The following GRID1 variants were observed in gnomAD, a reference collection of about 807,000 sequenced individuals.
GRID1 encodes glutamate receptor ionotropic, delta-1.
GRID1 carries 28 observed loss-of-function variants against 98.0 expected under a neutral mutation model. That is an observed-to-expected ratio of 0.29 (90% CI 0.21 to 0.39). The LOEUF is 0.39. Ranked by LOEUF, GRID1 falls within the 10% of genes least tolerant of loss-of-function variation. GRID1 has a pLI of 1.00. For missense variants in GRID1, 1,111 were observed against 1,340.5 expected, an observed-to-expected ratio of 0.83 and a Z score of 2.67; for synonymous variants, 553 against 538.5, an observed-to-expected ratio of 1.03 and a Z score of -0.37.
intron 4 of GRID1, among the ~76,000 whole-genome samples, chr10:85,986,363 G>A (rs1842608599): frequency 6.6e-6 from 1 of 152,222 alleles, no homozygotes; most frequent in Non-Finnish European, 1.5e-5. Context: ...ATGGGCACTG[G>A]AGCAGTCAGT....
intron 3 of GRID1, among the ~76,000 whole-genome samples, chr10:86,177,367 G>GGAGAGA (rs148582946): frequency 1.3e-5 from 2 of 151,462 alleles, no homozygotes; most frequent in South Asian, 2.1e-4. Context: ...GCTTCAGGCA[G>GGAGAGA]GAGAGAGAGA....
chr10:86,133,170 T>C (rs1212355397), intron 4 of GRID1, among the ~76,000 whole-genome samples: 2 of 152,198 alleles, frequency 1.3e-5, no homozygotes, highest in Admixed American at 1.3e-4. Flanking sequence ...CTCCTCCTGG[T>C]GGATGTGTAT....
intron 15 of GRID1, among the ~76,000 whole-genome samples, chr10:85,604,905 A>G (rs1040293059): frequency 3.3e-5 from 5 of 152,194 alleles, no homozygotes; most frequent in African/African-American, 9.6e-5. Flanking sequence ...GGGAGTTACT[A>G]TCCCCACCGG....
chr10:85,947,989 G>C (rs1842074322), intron 4 of GRID1, among the ~76,000 whole-genome samples: 1 of 152,158 alleles, frequency 6.6e-6, no homozygotes, highest in Admixed American at 6.5e-5. Flanking sequence ...GCTTTGCCAG[G>C]TTAAAGCCTA....
chr10:86,032,464 A>G (rs1303934311), intron 4 of GRID1, among the ~76,000 whole-genome samples: 2 of 152,204 alleles, frequency 1.3e-5, no homozygotes, highest in Non-Finnish European at 2.9e-5. Context: ...GGGAGACTCC[A>G]TTTTGTTCTG....
At chr10:85,815,020 A>G (rs1359032679) in intron 8 of GRID1, among the ~76,000 whole-genome samples, 1 of 152,080 alleles carries the variant, frequency 6.6e-6, no homozygotes, top group Non-Finnish European at 1.5e-5. Context: ...GCAAACTGAA[A>G]GGAGCCACAT....
intron 8 of GRID1, among the ~76,000 whole-genome samples, chr10:85,757,788 G>A (rs1842112671): frequency 1.3e-5 from 2 of 152,224 alleles, no homozygotes; most frequent in East Asian, 1.9e-4. Flanking sequence ...CAACTCCAAG[G>A]TGGGGACAGT....
intron 4 of GRID1, among the ~76,000 whole-genome samples, chr10:86,053,353 TTTTTG>T (rs995000931): frequency 3.5e-5 from 4 of 115,734 alleles, no homozygotes; most frequent in African/African-American, 1.0e-4. Context: ...GCTCCATTTT[TTTTTG>T]TTTTTTTGTT....
chr10:86,168,185 G>T (rs1338069473), intron 3 of GRID1, among the ~76,000 whole-genome samples: 1 of 152,258 alleles, frequency 6.6e-6, no homozygotes, highest in Admixed American at 6.5e-5. Context: ...TGGTGACAGT[G>T]AGACAGAGCG....
intron 8 of GRID1, among the ~76,000 whole-genome samples, chr10:85,798,300 T>G (rs143618858): frequency 1.9e-4 from 29 of 152,292 alleles, no homozygotes; most frequent in Middle Eastern, 6.8e-3. Context: ...AGAAGAGATA[T>G]GCAAAGCAAT....
At chr10:85,720,238 G>C (rs1841684809) in intron 12 of GRID1, among the ~76,000 whole-genome samples, 1 of 152,028 alleles carries the variant, frequency 6.6e-6, no homozygotes, top group African/African-American at 2.4e-5. Context: ...ATTGTGTTCT[G>C]TTAATTTTTC....
chr10:85,858,652 A>G (rs534516260), intron 6 of GRID1, among the ~76,000 whole-genome samples: 1 of 152,298 alleles, frequency 6.6e-6, no homozygotes, highest in East Asian at 1.9e-4. Flanking sequence ...TCTTTTCCCA[A>G]GAGAATAACT....
At chr10:86,361,568 C>T (rs1848601045) in intron 2 of GRID1, among the ~76,000 whole-genome samples, 1 of 152,186 alleles carries the variant, frequency 6.6e-6, no homozygotes, top group South Asian at 2.1e-4. Context: ...AACAGAGAAA[C>T]CAAGACCCAG....
chr10:85,877,695 ACT>A (rs904530029), intron 5 of GRID1, among the ~76,000 whole-genome samples: 6 of 152,178 alleles, frequency 3.9e-5, no homozygotes, highest in African/African-American at 1.4e-4. Context: ...AAAACTGGAA[ACT>A]CTAAAAAGCA....
At chr10:85,729,183 G>C (rs969638296) in intron 9 of GRID1, among the ~76,000 whole-genome samples, 4 of 152,036 alleles carry the variant, frequency 2.6e-5, no homozygotes, top group African/African-American at 9.7e-5. Context: ...CTCTCCTAAG[G>C]ACCAGTAGTG....
At chr10:86,140,371 G>T (rs973260764) in intron 3 of GRID1, among the ~76,000 whole-genome samples, 14 of 152,224 alleles carry the variant, frequency 9.2e-5, no homozygotes, top group Admixed American at 8.5e-4. Flanking sequence ...TTCCACCAGG[G>T]TTTGTTCCTA....
rs1183802280 is a variant in GRID1, at chr10:86,355,616, C to A, written c.235+8325G>T. The stretch of plus-strand genomic sequence containing the variant: ...TACCCTCCAGACCACTCTGCCCACA[C>A]CTCAGGCCCAGAAAGGGGAACTCTG... On this transcript the variant is annotated intron_variant, in intron 2 of 15. Coordinates refer to ENST00000327946, the MANE Select transcript of GRID1 (RefSeq NM_017551.3). Among the ~76,000 whole-genome samples the A allele has an allele frequency of 2.0e-5, 3 of 152,218 alleles. No homozygotes were observed. In the East Asian group the frequency reaches 5.8e-4, roughly 29 times the overall value.
At chr10:85,883,159 A>C (rs1199000285) in intron 5 of GRID1, among the ~76,000 whole-genome samples, 3 of 151,986 alleles carry the variant, frequency 2.0e-5, no homozygotes, top group Non-Finnish European at 4.4e-5. Flanking sequence ...CAATTTCTTC[A>C]TATTTTCCAG....
intron 4 of GRID1, among the ~76,000 whole-genome samples, chr10:86,050,779 T>C (rs1228355695): frequency 1.3e-5 from 2 of 151,794 alleles, no homozygotes; most frequent in Non-Finnish European, 2.9e-5. Context: ...TATAATAACT[T>C]ATAAATGTAA....
Sources: allele counts gnomAD v4.1 joint callset (sites outside exome capture counted in the v4.1 genomes callset), GRCh38; gene constraint gnomAD v4.1.1; transcripts MANE v1.5; gene names NCBI Gene and HGNC (gene_info 2026-07-23, HGNC 2026-07-21).